Variants in SPMIP8 observed in about 807,000 individuals in gnomAD.
The protein encoded by SPMIP8 is testicular tissue protein Li 196.
the SPMIP8 span, among the ~76,000 whole-genome samples, chr16:57,983,499 A>T: frequency 1.9e-4 from 29 of 152,246 alleles, no homozygotes; most frequent in Non-Finnish European, 3.4e-4. Flanking sequence ...CCATCCCAAG[A>T]TTATAAAAGA....
At chr16:57,983,961 A>G in the SPMIP8 span, among the ~76,000 whole-genome samples, 1 of 151,020 alleles carries the variant, frequency 6.6e-6, no homozygotes, top group Non-Finnish European at 1.5e-5. Context: ...CCCAGGTGGA[A>G]GTGCAGTGGC....
chr16:57,986,239 A>C, the SPMIP8 span: 22 of 347,816 alleles, frequency 6.3e-5, no homozygotes, highest in Admixed American at 9.3e-5. Flanking sequence ...AAACAGACAA[A>C]TAAGAAACAC....
At chr16:57,980,285 T>C in the SPMIP8 span, among the ~76,000 whole-genome samples, 1 of 152,208 alleles carries the variant, frequency 6.6e-6, no homozygotes, top group Non-Finnish European at 1.5e-5. Flanking sequence ...TGAATATTCA[T>C]GAAGATAGTA....
the SPMIP8 span, chr16:57,986,561 C>T: frequency 6.6e-6 from 1 of 151,744 alleles, no homozygotes; most frequent in African/African-American, 2.4e-5. Flanking sequence ...CCTTCCTCCT[C>T]TGCCTGGAAA....
the SPMIP8 span, among the ~76,000 whole-genome samples, chr16:57,981,626 C>T: frequency 6.8e-6 from 1 of 147,146 alleles, no homozygotes; most frequent in East Asian, 2.1e-4. Context: ...ATTCTCCTGC[C>T]TCAGCCTCCT....
the SPMIP8 span, among the ~76,000 whole-genome samples, chr16:57,981,416 T>TATTATTATTATAATAATA: frequency 7.1e-6 from 1 of 140,978 alleles, no homozygotes; most frequent in Admixed American, 7.2e-5. Flanking sequence ...TAATAATAAT[T>TATTATTATTATAATAATA]ATTATTATTA....
the SPMIP8 span, among the ~76,000 whole-genome samples, chr16:57,985,737 C>G: frequency 6.6e-6 from 1 of 152,180 alleles, no homozygotes; most frequent in South Asian, 2.1e-4. Flanking sequence ...AGCACCTTGC[C>G]CTCCCTGACA....
the SPMIP8 span, among the ~76,000 whole-genome samples, chr16:57,980,779 C>T: frequency 4.6e-5 from 7 of 152,254 alleles, no homozygotes; most frequent in African/African-American, 1.7e-4. Context: ...TTTACAGCCT[C>T]GACCTCCCAG....
the SPMIP8 span, among the ~76,000 whole-genome samples, chr16:57,983,721 C>T: frequency 2.0e-5 from 3 of 152,150 alleles, no homozygotes; most frequent in Non-Finnish European, 4.4e-5. Flanking sequence ...CAGTGATCCT[C>T]GTGCCTTAGC....
the SPMIP8 span, chr16:57,988,110 G>A: frequency 6.6e-6 from 1 of 152,252 alleles, no homozygotes; most frequent in African/African-American, 2.4e-5. Context: ...TGTCATTTAA[G>A]CAAAAAGTCC....
chr16:57,977,907 C>T, the SPMIP8 span: 11 of 1,614,132 alleles, frequency 6.8e-6, no homozygotes, highest in Admixed American at 6.7e-5. Context: ...GGAGCGGCAG[C>T]GCAACCAGCT....
the SPMIP8 span, among the ~76,000 whole-genome samples, chr16:57,982,961 C>T: frequency 1.3e-5 from 2 of 152,156 alleles, no homozygotes; most frequent in African/African-American, 2.4e-5. Flanking sequence ...ACCTGGGTGG[C>T]GGAGGTTGCA....
the SPMIP8 span, among the ~76,000 whole-genome samples, chr16:57,978,714 C>T: frequency 6.6e-6 from 1 of 152,170 alleles, no homozygotes; most frequent in Admixed American, 6.5e-5. Context: ...CTCCCAGGCT[C>T]AAATGATCCT....
the SPMIP8 span, chr16:57,984,203 C>A: frequency 2.4e-6 from 3 of 1,229,456 alleles, no homozygotes; most frequent in Non-Finnish European, 3.6e-6. Context: ...CGTGCCCGGC[C>A]TCAAAAAATT....
chr16:57,986,080 C>T, the SPMIP8 span: 8 of 1,099,976 alleles, frequency 7.3e-6, no homozygotes, highest in Admixed American at 3.3e-5. Flanking sequence ...CCTGGGAGGG[C>T]GCGAGCTGCT....
the SPMIP8 span, chr16:57,985,164 G>GC: frequency 4.1e-6 from 6 of 1,464,602 alleles, no homozygotes; most frequent in East Asian, 9.9e-5. Context: ...CTTGTCCTGG[G>GC]GGGGGGCGGA....
the SPMIP8 span, chr16:57,976,639 G>C: frequency 6.2e-6 from 10 of 1,613,400 alleles, no homozygotes; most frequent in Non-Finnish European, 7.6e-6. Flanking sequence ...CTATTGGTGA[G>C]TCAGAAGCAG....
chr16:57,980,190 T>C, the SPMIP8 span, among the ~76,000 whole-genome samples: 1 of 152,146 alleles, frequency 6.6e-6, no homozygotes, highest in African/African-American at 2.4e-5. Context: ...AAGATAGGCA[T>C]GTCAAAGGAG....
the SPMIP8 span, chr16:57,987,048 T>G: frequency 1.6e-5 from 4 of 246,298 alleles, no homozygotes; most frequent in Non-Finnish European, 3.1e-5. Flanking sequence ...TGCACTGTCA[T>G]TATTGACAGA....
Sources: gnomAD v4.1 joint callset for allele counts (sites outside exome capture counted in the v4.1 genomes callset) on GRCh38, gnomAD v4.1.1 for gene constraint, MANE v1.5 for transcripts, NCBI Gene and HGNC (gene_info 2026-07-23, HGNC 2026-07-21) for gene names.